AHRR: variants seen among roughly 807,000 people sequenced by gnomAD.
AHRR encodes the protein ahR repressor.
Under a neutral mutation model 44.0 loss-of-function variants are expected in AHRR, and 28 were observed. That is an observed-to-expected ratio of 0.64 (90% CI 0.47 to 0.87). The LOEUF (loss-of-function observed/expected upper bound fraction) is 0.87, where lower values mean the gene tolerates loss of function less well. AHRR is among the 40% of genes least tolerant of loss of function. The pLI, the probability that AHRR is intolerant of heterozygous loss-of-function variation, is 0.00. For missense variants in AHRR, 990 were observed against 953.9 expected, an observed-to-expected ratio of 1.04 and a Z score of -0.50; for synonymous variants, 434 against 407.0, an observed-to-expected ratio of 1.07 and a Z score of -0.80.
intron 5 of AHRR, chr5:421,333 G>A: frequency 1.4e-6 from 1 of 693,380 alleles, no homozygotes; most frequent in Non-Finnish European, 2.6e-6. Flanking sequence ...CGGGGCAGGG[G>A]GATGCCGGTG....
At position 423,386 on chromosome 5, in the gene AHRR, G is replaced by A. The variant is rs183030346; in HGVS notation, c.572-455G>A. ...AGCTCCTTGACAGGCAATGACAGGC[G>A]GGGGCTGTGCTGGGACAGTTGCATC... On this transcript the variant is annotated intron_variant, in intron 6 of 10. Coordinates refer to ENST00000684583, the MANE Select transcript of AHRR (RefSeq NM_001377236.1). 3.9e-3 allele frequency among the ~76,000 whole-genome samples: 588 copies of A among 152,258 alleles called. 2 individuals are homozygous for A. Among genetic ancestry groups the A allele is most frequent in the African/African-American group, 0.013 (529 of 41,536 alleles).
chr5:404,942 G>A lies in AHRR; in HGVS notation c.352-8402G>A, dbSNP rs1249856802. ...ACGAGGCTGTCTTCACACTCCCCGCGGGGTCCATTTCATGTCCTGCTGATT... is the reference window on the plus strand; with the variant it reads ...ACGAGGCTGTCTTCACACTCCCCGCAGGGTCCATTTCATGTCCTGCTGATT... On this transcript the variant is annotated intron_variant, in intron 4 of 10. Transcript: ENST00000684583. This position sits in a 1 kb window ranked among gnomAD's most constrained non-coding sequence, Gnocchi z 4.1. Among the ~76,000 whole-genome samples, 3 of 152,070 alleles carry A rather than the reference G, an allele frequency of 2.0e-5. No individual in the cohort carries two copies. Among genetic ancestry groups the A allele is most frequent in the Admixed American group, 6.5e-5 (1 of 15,272 alleles).
At chr5:343,818 G>C in intron 1 of AHRR, 75 bp from the exon 2 acceptor site, 1 of 1,485,404 alleles carries the variant, frequency 6.7e-7, no homozygotes, top group Non-Finnish European at 9.1e-7. Context: ...ACCGCGCTGA[G>C]GGGCCCGGGG....
At position 370,251 on chromosome 5, in the gene AHRR, T is replaced by C. The variant is rs992015205; in HGVS notation, c.245-6359T>C. On this transcript the variant is annotated intron_variant, in intron 3 of 10. Coordinates refer to ENST00000684583, the MANE Select transcript of AHRR (RefSeq NM_001377236.1). This position sits in a 1 kb window ranked among gnomAD's most constrained non-coding sequence, Gnocchi z 4.5. Reference sequence around the variant, plus strand: ...CCCCGTCCTCCCGGGCCCTCGCTGGTGCCCCGACCTCCTGGGCCCTCGCTG... The same window carrying C: ...CCCCGTCCTCCCGGGCCCTCGCTGGCGCCCCGACCTCCTGGGCCCTCGCTG... Among the ~76,000 whole-genome samples the C allele has an allele frequency of 6.8e-6, 1 of 147,152 alleles. No homozygotes were observed. Among genetic ancestry groups the C allele is most frequent in the Non-Finnish European group, 1.5e-5 (1 of 66,246 alleles).
chr5:426,099 A>G, intron 7 of AHRR, among the ~76,000 whole-genome samples: 1 of 152,278 alleles, frequency 6.6e-6, no homozygotes, highest in East Asian at 1.9e-4. Context: ...CTGGAGAGCT[A>G]GATGTTAAAC....
At chr5:392,905 G>A (rs895605581) in intron 4 of AHRR, among the ~76,000 whole-genome samples, 1 of 152,014 alleles carries the variant, frequency 6.6e-6, no homozygotes, top group Non-Finnish European at 1.5e-5. Context: ...TTCCTTCTCG[G>A]TGTAGGTGCC....
rs1389711651 is a variant in AHRR, at chr5:404,992, G to C, written c.352-8352G>C. Among the ~76,000 whole-genome samples, 1 of 152,134 alleles carries C rather than the reference G, an allele frequency of 6.6e-6. No homozygotes were observed. Among genetic ancestry groups the C allele is most frequent in the Non-Finnish European group, 1.5e-5 (1 of 68,028 alleles). ...TAATCCAGCTACTGAGAGGAAAATA[G>C]TGATTTCCTTTCTGTGGATCATCCC... is the stretch of plus-strand genomic sequence containing the variant. On this transcript the variant is annotated intron_variant, in intron 4 of 10. Coordinates refer to ENST00000684583, the MANE Select transcript of AHRR (RefSeq NM_001377236.1). The surrounding 1 kb of genome is among the most constrained non-coding windows in gnomAD (Gnocchi z 4.1).
chr5:345,554 GTGTGTGGGGA>G (rs1742637215), intron 2 of AHRR, among the ~76,000 whole-genome samples: 5 of 150,258 alleles, frequency 3.3e-5, no homozygotes, highest in Admixed American at 6.6e-5. Flanking sequence ...GTGGGGATGT[GTGTGTGGGGA>G]TGTGTGGGTG....
intron 5 of AHRR, among the ~76,000 whole-genome samples, chr5:415,036 G>A (rs1735660971): frequency 6.6e-6 from 1 of 152,244 alleles, no homozygotes; most frequent in Non-Finnish European, 1.5e-5. Flanking sequence ...GGCACGGGGT[G>A]GGGCCATGGC....
chr5:427,140 A>G (rs73038979), intron 7 of AHRR, among the ~76,000 whole-genome samples: 7,037 of 152,254 alleles, frequency 0.046, 428 homozygotes, highest in African/African-American at 0.15. Context: ...AAATAAGGAT[A>G]GAGGGTGGAG....
At chr5:376,556 G>GTGGGGTGAACGCGGGGAAACACAGGAT in intron 3 of AHRR, 54 bp from the exon 4 acceptor site, 2 of 1,435,570 alleles carry the variant, frequency 1.4e-6, no homozygotes, top group Non-Finnish European at 1.9e-6. Flanking sequence ...GAATGAAGAA[G>GTGGGGTGAACGCGGGGAAACACAGGAT]AGTGGCCAGG....
chr5:393,426 AC>A (rs1395469783), intron 4 of AHRR, among the ~76,000 whole-genome samples: 2 of 151,944 alleles, frequency 1.3e-5, no homozygotes, highest in African/African-American at 4.8e-5. Flanking sequence ...TTGCTGTGAA[AC>A]CTTCTGGGCA....
intron 1 of AHRR, among the ~76,000 whole-genome samples, chr5:333,076 T>C (rs1469629451): frequency 6.6e-6 from 1 of 152,008 alleles, no homozygotes; most frequent in East Asian, 1.9e-4. Flanking sequence ...TCTGTATGTG[T>C]CTTTTTAAAA....
chr5:344,142 C>T (rs1742476906), intron 2 of AHRR, among the ~76,000 whole-genome samples, 178 bp downstream of exon 2: 1 of 151,346 alleles, frequency 6.6e-6, no homozygotes, highest in African/African-American at 2.4e-5. Context: ...CGCAGCGCCC[C>T]GGTGCCCGGA....
chr5:422,101 C>T (rs1336103807), intron 5 of AHRR, among the ~76,000 whole-genome samples: 2 of 152,142 alleles, frequency 1.3e-5, no homozygotes, highest in African/African-American at 2.4e-5. Flanking sequence ...CCTCAGGCGC[C>T]GACACGCTCA....
At chr5:413,987 G>T (rs1006242695) in intron 5 of AHRR, among the ~76,000 whole-genome samples, 1 of 152,224 alleles carries the variant, frequency 6.6e-6, no homozygotes, top group Non-Finnish European at 1.5e-5. Context: ...CCACCCAGCC[G>T]GGCGCGGTGG....
rs746306704 is a variant in AHRR, at chr5:422,726, C to T, written c.442-3C>T. ...CTGAAATAATCTTGTTGCGCTATTT[C>T]AGACGGATGTAATGCACCAGAACAT... On this transcript the variant is annotated splice_polypyrimidine_tract_variant and splice_region_variant and intron_variant, in intron 5 of 10. Coordinates refer to ENST00000684583, the MANE Select transcript of AHRR (RefSeq NM_001377236.1). The T allele has an allele frequency of 6.2e-7, 1 of 1,614,190 alleles. No homozygotes were observed.
chr5:405,397 A>G lies in AHRR; in HGVS notation c.352-7947A>G, dbSNP rs1201869402. On this transcript the variant is annotated intron_variant, in intron 4 of 10. Coordinates refer to ENST00000684583, the MANE Select transcript of AHRR (RefSeq NM_001377236.1). The surrounding 1 kb of genome is among the most constrained non-coding windows in gnomAD (Gnocchi z 4.5). ...ACGATGGGCTTCTTTACTGATGCCAAACCGTATAAAGCATTGGCCTATTTT... is the reference window on the plus strand; with the variant it reads ...ACGATGGGCTTCTTTACTGATGCCAGACCGTATAAAGCATTGGCCTATTTT... 6.6e-6 allele frequency among the ~76,000 whole-genome samples: 1 copy of G among 152,190 alleles called. No homozygotes were observed. Among genetic ancestry groups the G allele is most frequent in the South Asian group, 2.1e-4 (1 of 4,828 alleles).
At chr5:427,605 G>T (rs1157630218) in intron 7 of AHRR, 8 of 1,611,746 alleles carry the variant, frequency 5.0e-6, no homozygotes, top group Non-Finnish European at 6.8e-6. Flanking sequence ...GATGGTTTCA[G>T]GATGATTCAA....
Sources: gnomAD v4.1 joint callset for allele counts (sites outside exome capture counted in the v4.1 genomes callset) on GRCh38, gnomAD v4.1.1 for gene constraint, Gnocchi (gnomAD v3.1) non-coding constraint, MANE v1.5 for transcripts, NCBI Gene and HGNC (gene_info 2026-07-23, HGNC 2026-07-21) for gene names.